Variants in KLHL42 observed in about 807,000 individuals in gnomAD.
The protein encoded by KLHL42 is kelch-like protein 42.
Under a neutral mutation model 32.7 loss-of-function variants are expected in KLHL42, and 27 were observed. That is an observed-to-expected ratio of 0.83 (90% CI 0.61 to 1.14). The LOEUF is 1.14. Ranked by LOEUF, KLHL42 falls within the 50% of genes most tolerant of loss-of-function variation. KLHL42 has a pLI of 0.00. For synonymous variants in KLHL42, 267 were observed against 248.2 expected (o/e 1.08, Z -0.71); for missense variants, 491 against 560.8 (o/e 0.88, Z 1.26).
At chr12:27,784,804 C>G (rs1348896975) in intron 1 of KLHL42, among the ~76,000 whole-genome samples, 1 of 152,142 alleles carries the variant, frequency 6.6e-6, no homozygotes, top group Non-Finnish European at 1.5e-5. Flanking sequence ...GGCAAAAACA[C>G]TAGTGTGATT....
Position 27,780,882 on chromosome 12 carries a change from G to A in KLHL42, c.552G>A (p.Arg184=). The A allele has an allele frequency of 6.2e-7, 1 of 1,612,540 alleles. No individual in the cohort carries two copies. Among genetic ancestry groups the A allele is most frequent in the Non-Finnish European group, 8.5e-7 (1 of 1,178,858 alleles). Residue 184 remains arginine (R), a synonymous_variant, in exon 1 of 3, where the codon AGG becomes AGA. Coordinates refer to ENST00000381271, the MANE Select transcript of KLHL42 (RefSeq NM_020782.2). This position sits in a 1 kb window ranked among gnomAD's most constrained non-coding sequence, Gnocchi z 8.8. ...CAGGGGATGTCAGCCTGAAGCAGAG[G>A]CTGAGGGAGGCCCGGATGACTGGGA... ...QAPGDVSLKQ[R]LREARMTGTP...
chr12:27,800,017 C>T lies in KLHL42; in HGVS notation c.*1851C>T. On this transcript the variant is annotated 3_prime_UTR_variant, in exon 3 of 3. Transcript: ENST00000381271. Reference sequence around the variant, plus strand: ...ATTGTAGAATTGAATTTCCAGTGACCTGTAATTTCATTACATATATTTTAA... The same window carrying T: ...ATTGTAGAATTGAATTTCCAGTGACTTGTAATTTCATTACATATATTTTAA... 1.1e-6 allele frequency: 1 copy of T among 896,458 alleles called. No homozygotes were observed. The highest frequency in any genetic ancestry group is 1.3e-6 in the Non-Finnish European group (1 of 748,974). 55.5% of individuals were successfully genotyped at this position (896,458 alleles called of 1,614,324 possible).
chr12:27,800,022 A>G lies in KLHL42; in HGVS notation c.*1856A>G, dbSNP rs1345127688. 5 of 916,760 alleles carry G rather than the reference A, an allele frequency of 5.5e-6. No homozygotes were observed. Among genetic ancestry groups the G allele is most frequent in the East Asian group, 1.2e-4 (1 of 8,500 alleles). 56.8% of individuals were successfully genotyped at this position (916,760 alleles called of 1,614,324 possible). On this transcript the variant is annotated 3_prime_UTR_variant, in exon 3 of 3. Coordinates refer to ENST00000381271, the MANE Select transcript of KLHL42 (RefSeq NM_020782.2). Reference sequence around the variant, plus strand: ...AGAATTGAATTTCCAGTGACCTGTAATTTCATTACATATATTTTAAAATCT... The same window carrying G: ...AGAATTGAATTTCCAGTGACCTGTAGTTTCATTACATATATTTTAAAATCT...
intron 1 of KLHL42, among the ~76,000 whole-genome samples, 162 bp from the exon 2 acceptor site, chr12:27,791,546 C>G (rs117507890): frequency 5.9e-5 from 9 of 152,166 alleles, no homozygotes; most frequent in Non-Finnish European, 1.3e-4. Context: ...GAGTGAGATT[C>G]GAGAAGCCAT....
At chr12:27,789,997 A>G (rs898239042) in intron 1 of KLHL42, among the ~76,000 whole-genome samples, 3 of 152,212 alleles carry the variant, frequency 2.0e-5, no homozygotes, top group African/African-American at 7.2e-5. Flanking sequence ...CCATAGTGTA[A>G]TGCATCAGTT....
intron 1 of KLHL42, chr12:27,788,285 A>G (rs2062181673): frequency 6.6e-6 from 1 of 152,176 alleles, no homozygotes; most frequent in African/African-American, 2.4e-5. Context: ...TGGGTCAGGT[A>G]TTGTAGTCAC....
rs1447071923 is a variant in KLHL42, at chr12:27,780,692, T to C, written c.362T>C (p.Leu121Pro). The change falls in exon 1 of 3, where the codon CTG becomes CCG. Residue 121 changes from leucine (L) to proline (P), a missense_variant. Physicochemically the swap from Leu to Pro is moderately conservative, Grantham distance 98. Transcript: ENST00000381271. The surrounding 1 kb of genome is among the most constrained non-coding windows in gnomAD (Gnocchi z 8.8). ...FLQVTSLLQL[L>P]LSQVRLNNCL... Reference sequence around the variant, plus strand: ...CAGGTCACGTCCCTGCTGCAGCTGCTGCTGTCCCAGGTGCGGCTCAATAAC... The same window carrying C: ...CAGGTCACGTCCCTGCTGCAGCTGCCGCTGTCCCAGGTGCGGCTCAATAAC... 2.5e-6 allele frequency: 4 copies of C among 1,608,014 alleles called. No individual in the cohort carries two copies. The highest frequency in any genetic ancestry group is 2.6e-6 in the Non-Finnish European group (3 of 1,176,282).
Position 27,791,765 on chromosome 12 carries a change from C to T in KLHL42, c.930C>T (p.Ala310=), listed in dbSNP as rs766238877. 10 of 1,614,060 alleles carry T rather than the reference C, an allele frequency of 6.2e-6. No individual in the cohort carries two copies. Among genetic ancestry groups the T allele is most frequent in the Admixed American group, 3.3e-5 (2 of 60,016 alleles). Residue 310 remains alanine (A), a synonymous_variant, in exon 2 of 3, where the codon GCC becomes GCT. Transcript: ENST00000381271. ...NSKLYAIGGQ[A]VSNVECYNPE... ...AACTCTATGCCATCGGAGGGCAGGCCGTTTCTAACGTTGAGTGTTACAACC... is the reference window on the plus strand; with the variant it reads ...AACTCTATGCCATCGGAGGGCAGGCTGTTTCTAACGTTGAGTGTTACAACC...
At chr12:27,784,574 C>T (rs10083013) in intron 1 of KLHL42, among the ~76,000 whole-genome samples, 89,192 of 151,826 alleles carry the variant, frequency 0.59, 28,272 homozygotes, top group African/African-American at 0.83. Flanking sequence ...TCATCGGGCC[C>T]GTGAATAGCC....
At chr12:27,797,161 C>T in intron 2 of KLHL42, 1 of 425,548 alleles carries the variant, frequency 2.3e-6, no homozygotes, top group East Asian at 7.1e-5. Flanking sequence ...ACTGAATTGC[C>T]AAGTGGTTCT....
chr12:27,781,846 C>T (rs374104087), intron 1 of KLHL42, among the ~76,000 whole-genome samples: 2 of 152,172 alleles, frequency 1.3e-5, no homozygotes, highest in African/African-American at 4.8e-5. Flanking sequence ...ACGCAACCTT[C>T]TCCCCCTCCC....
Position 27,780,549 on chromosome 12 carries a change from G to A in KLHL42, c.219G>A (p.Gly73=). 6.5e-7 allele frequency: 1 copy of A among 1,528,250 alleles called. No homozygotes were observed. The highest frequency in any genetic ancestry group is 8.8e-7 in the Non-Finnish European group (1 of 1,142,336). The allele number at this position is 1,528,250 out of a possible 1,614,324, so 94.7% of individuals were successfully genotyped here. Residue 73 remains glycine (G), a synonymous_variant, in exon 1 of 3, where the codon GGG becomes GGA. Coordinates refer to ENST00000381271, the MANE Select transcript of KLHL42 (RefSeq NM_020782.2). This position sits in a 1 kb window ranked among gnomAD's most constrained non-coding sequence, Gnocchi z 8.8. ...TGCTGGACTTCATCAACGCCGGCGG[G>A]GCCCGCGAAGGCTGGCTCCTGGGCC... ...RLVLDFINAG[G]AREGWLLGPR...
intron 2 of KLHL42, among the ~76,000 whole-genome samples, chr12:27,796,716 T>C (rs546057222): frequency 8.3e-4 from 127 of 152,168 alleles, no homozygotes; most frequent in Admixed American, 1.0e-3. Context: ...CACTGCAGCC[T>C]CACCCTACCA....
chr12:27,793,262 G>T (rs2062205071), intron 2 of KLHL42, among the ~76,000 whole-genome samples: 1 of 152,038 alleles, frequency 6.6e-6, no homozygotes, highest in Non-Finnish European at 1.5e-5. Flanking sequence ...AAAATTAGCT[G>T]GATGTGGTGT....
intron 1 of KLHL42, among the ~76,000 whole-genome samples, chr12:27,785,941 T>C (rs2062170210): frequency 6.6e-6 from 1 of 152,248 alleles, no homozygotes; most frequent in Non-Finnish European, 1.5e-5. Flanking sequence ...TTAGAGTAGC[T>C]GAGAAATAAT....
intron 1 of KLHL42, among the ~76,000 whole-genome samples, chr12:27,784,220 C>T (rs1325103815): frequency 6.6e-6 from 1 of 150,476 alleles, no homozygotes; most frequent in African/African-American, 2.5e-5. Flanking sequence ...CTGCAAGCTC[C>T]GCCTCCCAGG....
chr12:27,788,682 G>A (rs1010771716), intron 1 of KLHL42, among the ~76,000 whole-genome samples: 1 of 152,182 alleles, frequency 6.6e-6, no homozygotes, highest in Non-Finnish European at 1.5e-5. Context: ...GCAATGAAAC[G>A]AGACCCTGTC....
Position 27,801,689 on chromosome 12 carries a change from C to G in KLHL42, c.*3523C>G, listed in dbSNP as rs749009789. On this transcript the variant is annotated 3_prime_UTR_variant, in exon 3 of 3. Transcript: ENST00000381271. ...ATGTCAGATTGGTGCTTCCAGACATCTATTCCCAGTCCATCAGAGTGAAAT... is the reference window on the plus strand; with the variant it reads ...ATGTCAGATTGGTGCTTCCAGACATGTATTCCCAGTCCATCAGAGTGAAAT... 5 of 152,236 alleles carry G rather than the reference C, an allele frequency of 3.3e-5. No homozygotes were observed. The highest frequency in any genetic ancestry group is 6.5e-5 in the Admixed American group (1 of 15,290). 9.4% of individuals were successfully genotyped at this position (152,236 alleles called of 1,614,324 possible). A position where few individuals can be genotyped will look rare whatever the true frequency, so the allele number is the denominator to read the frequency against.
rs377487883 is a variant in KLHL42 at position 27,798,033 on chromosome 12, C to T, written c.1385C>T (p.Thr462Ile). Reference protein sequence around the residue: ...YIMSRDVTLSTSLEHRVFLKY... With the variant: ...YIMSRDVTLSISLEHRVFLKY... ...ATGAGCAGAGACGTCACCCTGTCGA[C>T]CAGCTTGGAACACCGAGTGTTCCTC... The change falls in exon 3 of 3, where the codon ACC becomes ATC. Residue 462 changes from threonine (T) to isoleucine (I), a missense_variant. Thr to Ile is a moderately conservative substitution (Grantham distance 89). Transcript: ENST00000381271. The T allele has an allele frequency of 6.4e-6, 5 of 780,972 alleles. No individual in the cohort carries two copies. The highest frequency in any genetic ancestry group is 3.4e-5 in the Admixed American group (2 of 59,024). 48.4% of individuals were successfully genotyped at this position (780,972 alleles called of 1,614,324 possible). A position where few individuals can be genotyped will look rare whatever the true frequency, so the allele number is the denominator to read the frequency against.
Sources: gnomAD v4.1 joint callset for allele counts (sites outside exome capture counted in the v4.1 genomes callset) on GRCh38, gnomAD v4.1.1 for gene constraint, Gnocchi (gnomAD v3.1) non-coding constraint, MANE v1.5 for transcripts, NCBI Gene and HGNC (gene_info 2026-07-23, HGNC 2026-07-21) for gene names.